Variants in MAGI2 observed in about 807,000 individuals in gnomAD.
The protein encoded by MAGI2 is membrane-associated guanylate kinase, WW and PDZ domain-containing protein 2.
In MAGI2, 35 loss-of-function variants were observed where a neutral mutation model predicts 133.3. The ratio of observed to expected loss-of-function variants is 0.26; its 90% CI spans 0.20 to 0.35. The LOEUF (loss-of-function observed/expected upper bound fraction) is 0.35. Among genes scored for constraint, MAGI2 ranks in the 10% least tolerant of loss-of-function variants. The pLI is 1.00. For missense variants in MAGI2, 1,636 were observed against 1,863.4 expected (o/e 0.88, Z 2.25); for synonymous variants, 729 against 710.6 (o/e 1.03, Z -0.41).
chr7:79,172,020 T>C (rs1825672042), intron 1 of MAGI2, among the ~76,000 whole-genome samples: 1 of 151,716 alleles, frequency 6.6e-6, no homozygotes, highest in Admixed American at 6.6e-5. Flanking sequence ...TACAACTAAG[T>C]AGTTTCTCCT....
intron 2 of MAGI2, among the ~76,000 whole-genome samples, chr7:78,885,998 G>T (rs930921237): frequency 1.3e-5 from 2 of 152,144 alleles, no homozygotes; most frequent in African/African-American, 4.8e-5. Context: ...ATCTACTGCT[G>T]TAAGACAGCA....
chr7:78,767,644 C>G (rs1309883527), intron 2 of MAGI2, among the ~76,000 whole-genome samples: 1 of 152,116 alleles, frequency 6.6e-6, no homozygotes, highest in African/African-American at 2.4e-5. Flanking sequence ...GCCATTACTA[C>G]TTAAGATATT....
chr7:78,980,611 A>C (rs923568778), intron 2 of MAGI2, among the ~76,000 whole-genome samples: 1 of 151,878 alleles, frequency 6.6e-6, no homozygotes, highest in Non-Finnish European at 1.5e-5. Context: ...ATATTTAAAC[A>C]TCTCAAAGTT....
chr7:79,346,169 A>G (rs972529465), intron 1 of MAGI2, among the ~76,000 whole-genome samples: 2 of 152,044 alleles, frequency 1.3e-5, no homozygotes, highest in Non-Finnish European at 2.9e-5. Context: ...ATTAGTAAAA[A>G]GAAGCCATCA....
chr7:78,856,634 A>G lies in MAGI2; in HGVS notation c.418+150456T>C, dbSNP rs546636084. On this transcript the variant is annotated intron_variant, in intron 2 of 21. Coordinates refer to ENST00000354212, the MANE Select transcript of MAGI2 (RefSeq NM_012301.4). Reference sequence around the variant, plus strand: ...ATATCTCTGGTTTGGTACCAGTACTATGCTGTTTTGGTTACTGTAGCCTTG... The same window carrying G: ...ATATCTCTGGTTTGGTACCAGTACTGTGCTGTTTTGGTTACTGTAGCCTTG... Among the ~76,000 whole-genome samples the G allele has an allele frequency of 3.3e-5, 5 of 152,268 alleles. No individual in the cohort carries two copies. The South Asian group carries it at 1.0e-3, about 32-fold the overall frequency.
intron 2 of MAGI2, among the ~76,000 whole-genome samples, chr7:78,897,121 A>C (rs745675919): frequency 2.0e-5 from 3 of 152,240 alleles, no homozygotes; most frequent in Non-Finnish European, 4.4e-5. Context: ...CATTTAATGG[A>C]ACTCTCTAGT....
chr7:78,138,399 ATTTAG>A, intron 16 of MAGI2, among the ~76,000 whole-genome samples: 1 of 152,280 alleles, frequency 6.6e-6, no homozygotes, highest in East Asian at 1.9e-4. Context: ...TTCAGATCCT[ATTTAG>A]TTAGGATGTC....
At chr7:78,342,937 A>G (rs1790544600) in intron 9 of MAGI2, among the ~76,000 whole-genome samples, 1 of 152,172 alleles carries the variant, frequency 6.6e-6, no homozygotes, top group Non-Finnish European at 1.5e-5. Flanking sequence ...CTGCACATGT[A>G]CCCCAGAACT....
At chr7:78,888,185 G>T (rs1337267985) in intron 2 of MAGI2, among the ~76,000 whole-genome samples, 2 of 152,180 alleles carry the variant, frequency 1.3e-5, no homozygotes, top group African/African-American at 4.8e-5. Flanking sequence ...CTGGGGGAGG[G>T]GCGCCCACCA....
chr7:78,563,954 T>C (rs561476537), intron 3 of MAGI2, among the ~76,000 whole-genome samples: 4 of 152,340 alleles, frequency 2.6e-5, no homozygotes, highest in East Asian at 3.9e-4. Context: ...CTAAATTAAA[T>C]TGGATTAGAT....
At chr7:78,489,090 A>C (rs1384748403) in intron 6 of MAGI2, among the ~76,000 whole-genome samples, 1 of 152,100 alleles carries the variant, frequency 6.6e-6, no homozygotes, top group Admixed American at 6.6e-5. Flanking sequence ...CAATATTTTA[A>C]AAAATTAAGA....
At chr7:78,109,331 A>AAAAG (rs1819098109) in intron 20 of MAGI2, among the ~76,000 whole-genome samples, 1 of 131,784 alleles carries the variant, frequency 7.6e-6, no homozygotes, top group Non-Finnish European at 1.6e-5. Context: ...AAAAAAAAAA[A>AAAAG]AAAGAAAAAA....
chr7:78,976,709 A>C (rs1405145897), intron 2 of MAGI2, among the ~76,000 whole-genome samples: 3 of 62,566 alleles, frequency 4.8e-5, no homozygotes, highest in African/African-American at 8.3e-5. Context: ...CACCAAAAAA[A>C]CTACAAAAAA....
chr7:79,264,484 G>C (rs1251537689), intron 1 of MAGI2, among the ~76,000 whole-genome samples: 1 of 151,962 alleles, frequency 6.6e-6, no homozygotes, highest in African/African-American at 2.4e-5. Context: ...TTATTAAGCA[G>C]GCATATAACT....
intron 6 of MAGI2, among the ~76,000 whole-genome samples, chr7:78,435,070 T>C (rs1424585858): frequency 6.6e-6 from 1 of 152,182 alleles, no homozygotes; most frequent in African/African-American, 2.4e-5. Context: ...TCTGCCACTT[T>C]GCCACCTGTG....
chr7:79,405,270 G>C, intron 1 of MAGI2, among the ~76,000 whole-genome samples: 1 of 152,210 alleles, frequency 6.6e-6, no homozygotes, highest in East Asian at 1.9e-4. Flanking sequence ...CCATGCAAAT[G>C]TTAGGGGTTA....
chr7:78,725,162 C>G (rs1820644744), intron 2 of MAGI2, among the ~76,000 whole-genome samples: 2 of 152,166 alleles, frequency 1.3e-5, no homozygotes, highest in Admixed American at 6.5e-5. Flanking sequence ...AATAAGGCAG[C>G]TGGTTAACAA....
intron 2 of MAGI2, among the ~76,000 whole-genome samples, chr7:78,859,420 T>G (rs1169121401): frequency 1.3e-5 from 2 of 150,826 alleles, no homozygotes; most frequent in Admixed American, 6.6e-5. Context: ...CAGGAGGTCT[T>G]TTAGGGCAGG....
intron 2 of MAGI2, among the ~76,000 whole-genome samples, chr7:78,707,982 T>C (rs1818820291): frequency 6.6e-6 from 1 of 152,106 alleles, no homozygotes; most frequent in African/African-American, 2.4e-5. Flanking sequence ...TTTCCCTTTA[T>C]AAGATTAATC....
Sources: allele counts gnomAD v4.1 joint callset (sites outside exome capture counted in the v4.1 genomes callset), GRCh38; gene constraint gnomAD v4.1.1; transcripts MANE v1.5; gene names NCBI Gene and HGNC (gene_info 2026-07-23, HGNC 2026-07-21).